Variants in STAG1 observed in about 807,000 individuals in gnomAD.
STAG1 encodes the protein STAG1 cohesin complex component, also known as cohesin subunit SA-1.
A neutral mutation model predicts 170.9 loss-of-function variants in STAG1; 26 were observed. That is an observed-to-expected ratio of 0.15 (90% CI 0.11 to 0.21). The LOEUF is 0.21. Among genes scored for constraint, STAG1 ranks in the 10% least tolerant of loss-of-function variants. The pLI, the probability that STAG1 is intolerant of heterozygous loss-of-function variation, is 1.00. For missense variants in STAG1, 964 were observed against 1,509.5 expected (o/e 0.64, Z 5.99); for synonymous variants, 514 against 497.7 (o/e 1.03, Z -0.44).
At chr3:136,449,691 T>A (rs562752807) in intron 14 of STAG1, among the ~76,000 whole-genome samples, 95 of 152,226 alleles carry the variant, frequency 6.2e-4, no homozygotes, top group African/African-American at 2.2e-3. Context: ...TGTGCAGTAA[T>A]AAACATTACA....
chr3:136,358,249 TA>T (rs777964957), intron 27 of STAG1, among the ~76,000 whole-genome samples: 43 of 151,982 alleles, frequency 2.8e-4, no homozygotes, highest in Non-Finnish European at 5.3e-4. Flanking sequence ...CACACCTGGG[TA>T]ATTTTTGCAT....
In STAG1 at chr3:136,623,217, C is replaced by T. The variant is rs1559915306; in HGVS notation, c.61G>A (p.Asp21Asn). 2 of 1,613,438 alleles carry T rather than the reference C, an allele frequency of 1.2e-6. No individual in the cohort carries two copies. The highest frequency in any genetic ancestry group is 1.7e-6 in the Non-Finnish European group (2 of 1,179,674). ...DSTNETTAHS[D>N]AGSELEETEV... ...GTTTCTTCAAGCTCGCTGCCAGCAT[C>T]GGAATGGGCAGTAGTTTCATTAGTT... Residue 21 changes from aspartate to asparagine, a missense_variant, in exon 3 of 34, where the codon GAT becomes AAT. Physicochemically the swap from Asp to Asn is conservative, Grantham distance 23. Around this residue, in one of 11 missense-constraint regions of STAG1, gnomAD observed 108 missense variants for 120.2 expected, o/e 0.90. Transcript: ENST00000383202.
chr3:136,359,913 T>C (rs1576387937), intron 26 of STAG1, among the ~76,000 whole-genome samples: 1 of 152,244 alleles, frequency 6.6e-6, no homozygotes, highest in African/African-American at 2.4e-5. Context: ...GGAATGACAA[T>C]ATATGAAATA....
intron 4 of STAG1, among the ~76,000 whole-genome samples, chr3:136,586,095 T>C (rs1052189957): frequency 1.3e-5 from 2 of 152,224 alleles, no homozygotes; most frequent in African/African-American, 4.8e-5. Context: ...GGTTCCCTCT[T>C]TGAAAATTAA....
intron 23 of STAG1, among the ~76,000 whole-genome samples, chr3:136,372,975 T>A (rs1937427290): frequency 6.6e-6 from 1 of 152,156 alleles, no homozygotes; most frequent in African/African-American, 2.4e-5. Context: ...ATCCATCTGG[T>A]CCTGGACTTT....
intron 6 of STAG1, among the ~76,000 whole-genome samples, chr3:136,525,044 A>C (rs980979128): frequency 2.6e-5 from 4 of 152,034 alleles, no homozygotes; most frequent in Non-Finnish European, 4.4e-5. Context: ...AGGGGTATTG[A>C]TCTAAAGTTC....
At chr3:136,737,411 A>C (rs1221959766) in intron 1 of STAG1, among the ~76,000 whole-genome samples, 1 of 151,062 alleles carries the variant, frequency 6.6e-6, no homozygotes, top group Non-Finnish European at 1.5e-5. Flanking sequence ...CAATTTTTGC[A>C]TTTTTAGTAG....
chr3:136,687,261 T>C (rs1256097155), intron 1 of STAG1, among the ~76,000 whole-genome samples: 3 of 152,222 alleles, frequency 2.0e-5, no homozygotes, highest in African/African-American at 7.2e-5. Flanking sequence ...TCTGTGTGTA[T>C]TCATAGTTAC....
intron 6 of STAG1, among the ~76,000 whole-genome samples, chr3:136,533,796 C>T (rs1935491924): frequency 6.6e-6 from 1 of 152,112 alleles, no homozygotes; most frequent in Non-Finnish European, 1.5e-5. Context: ...ATATCAATGA[C>T]CATACTGTCA....
At chr3:136,633,962 T>TAAAAAAAAA (rs67810422) in intron 1 of STAG1, among the ~76,000 whole-genome samples, 3,344 of 50,222 alleles carry the variant, frequency 0.067, 809 homozygotes, top group Non-Finnish European at 0.11. Context: ...TGTCTCTACT[T>TAAAAAAAAA]AAAAAAAAAA....
chr3:136,510,810 C>T (rs1332417965), intron 7 of STAG1, among the ~76,000 whole-genome samples: 3 of 151,658 alleles, frequency 2.0e-5, no homozygotes, highest in Non-Finnish European at 2.9e-5. Flanking sequence ...TGGAGTCTTG[C>T]TCTGTCGCCC....
chr3:136,443,379 A>C lies in STAG1; in HGVS notation c.1454T>G (p.Val485Gly). ...TTGAGAGCTCTCCCATAAACTGTCC[A>C]CCAAGTAGGCTGCATGTTCATGTAA... is the stretch of plus-strand genomic sequence containing the variant. Reference protein sequence around the residue: ...SELHEHAAYLVDSLWESSQEL... With the variant: ...SELHEHAAYLGDSLWESSQEL... The change falls in exon 15 of 34, where the codon GTG (valine) becomes GGG (glycine). Residue 485 changes from valine to glycine, a missense_variant. Physicochemically the swap from Val to Gly is moderately radical, Grantham distance 109 (BLOSUM62 -3). Transcript: ENST00000383202. The C allele has an allele frequency of 6.2e-7, 1 of 1,612,232 alleles. No individual in the cohort carries two copies. Among genetic ancestry groups the C allele is most frequent in the Non-Finnish European group, 8.5e-7 (1 of 1,179,220 alleles).
intron 1 of STAG1, among the ~76,000 whole-genome samples, chr3:136,644,581 G>T (rs1940928816): frequency 6.6e-6 from 1 of 152,172 alleles, no homozygotes; most frequent in South Asian, 2.1e-4. Context: ...TATGATTATT[G>T]ATGTAGGTTA....
intron 1 of STAG1, among the ~76,000 whole-genome samples, chr3:136,710,786 C>A (rs1208353716): frequency 1.3e-5 from 2 of 151,146 alleles, no homozygotes; most frequent in Non-Finnish European, 2.9e-5. Flanking sequence ...AGTCCCCCTA[C>A]CAAAAAAAAA....
At chr3:136,434,601 T>G (rs2088400961) in intron 15 of STAG1, among the ~76,000 whole-genome samples, 1 of 152,210 alleles carries the variant, frequency 6.6e-6, no homozygotes, top group South Asian at 2.1e-4. Flanking sequence ...TTCTCCCAGT[T>G]TGTCATTTGT....
At chr3:136,395,689 G>A (rs1276081716) in intron 22 of STAG1, among the ~76,000 whole-genome samples, 2 of 152,136 alleles carry the variant, frequency 1.3e-5, no homozygotes, top group Non-Finnish European at 2.9e-5. Context: ...TATCAATTAT[G>A]CTGAATTTTT....
At chr3:136,683,573 AT>A (rs917577511) in intron 1 of STAG1, among the ~76,000 whole-genome samples, 44 of 148,820 alleles carry the variant, frequency 3.0e-4, no homozygotes, top group Non-Finnish European at 2.4e-4. Context: ...CTTCAACGTG[AT>A]TTTTTTTTTT....
chr3:136,447,382 TCAC>T (rs2088812593), intron 14 of STAG1, among the ~76,000 whole-genome samples: 1 of 151,592 alleles, frequency 6.6e-6, no homozygotes, highest in African/African-American at 2.4e-5. Context: ...GGCAGGAGAA[TCAC>T]TTGATCCCAG....
intron 1 of STAG1, among the ~76,000 whole-genome samples, chr3:136,731,941 G>T (rs1179369921): frequency 6.6e-6 from 1 of 151,974 alleles, no homozygotes; most frequent in Non-Finnish European, 1.5e-5. Context: ...ATCACACCTA[G>T]GTCTTCAAAA....
Sources: gnomAD v4.1 joint callset for allele counts (sites outside exome capture counted in the v4.1 genomes callset) on GRCh38, gnomAD v4.1.1 for gene constraint, gnomAD v4.1.1 regional missense constraint, MANE v1.5 for transcripts, NCBI Gene and HGNC (gene_info 2026-07-23, HGNC 2026-07-21) for gene names.